The following RANBP2 variants were observed in gnomAD, a reference collection of about 807,000 sequenced individuals.
The protein encoded by RANBP2 is E3 SUMO-protein ligase RanBP2.
RANBP2 carries 57 observed loss-of-function variants against 303.6 expected under a neutral mutation model. The observed-to-expected ratio is 0.19, with a 90% CI of 0.15 to 0.23. The LOEUF is 0.23. RANBP2 is among the 10% of genes least tolerant of loss of function. The probability of loss-of-function intolerance (pLI) is 1.00; values close to 1 mark genes in which losing one functional copy is unlikely to be tolerated. For missense variants in RANBP2, 3,138 were observed against 3,780.8 expected (o/e 0.83, Z 4.46); for synonymous variants, 1,167 against 1,301.5 (o/e 0.90, Z 2.23).
the RANBP2 span, among the ~76,000 whole-genome samples, chr2:109,576,274 A>C: frequency 1.3e-5 from 2 of 151,860 alleles, no homozygotes; most frequent in African/African-American, 2.4e-5. Context: ...AATTAAATAT[A>C]TATATATATA....
the RANBP2 span, among the ~76,000 whole-genome samples, chr2:109,577,866 T>C: frequency 6.9e-6 from 1 of 145,604 alleles, no homozygotes; most frequent in African/African-American, 2.6e-5. Context: ...TGAGCCGAGA[T>C]TGCACCACTG....
chr2:109,011,491 C>T, the RANBP2 span, among the ~76,000 whole-genome samples: 1 of 152,086 alleles, frequency 6.6e-6, no homozygotes, highest in Admixed American at 6.6e-5. Context: ...GGTCTTTGTT[C>T]TCAAATTTCT....
the RANBP2 span, among the ~76,000 whole-genome samples, chr2:109,273,295 G>A: frequency 4.8e-4 from 73 of 152,314 alleles, no homozygotes; most frequent in Non-Finnish European, 9.4e-4. Context: ...GGGCACTCAG[G>A]GCCCTGGAGG....
chr2:108,891,921 C>T, the RANBP2 span, among the ~76,000 whole-genome samples: 2 of 152,050 alleles, frequency 1.3e-5, no homozygotes, highest in Admixed American at 6.6e-5. Flanking sequence ...CAGAAAGATG[C>T]TCAGGTACCC....
chr2:108,840,947 G>A, the RANBP2 span, among the ~76,000 whole-genome samples: 5 of 152,100 alleles, frequency 3.3e-5, no homozygotes, highest in South Asian at 1.0e-3. Flanking sequence ...AAGTAGCTGG[G>A]ATTACAGATG....
the RANBP2 span, among the ~76,000 whole-genome samples, chr2:108,888,849 T>A: frequency 6.6e-6 from 1 of 152,040 alleles, no homozygotes; most frequent in Non-Finnish European, 1.5e-5. Context: ...TTTTTGGGCT[T>A]GGTTTGTTCT....
At chr2:108,802,482 A>C in the RANBP2 span, among the ~76,000 whole-genome samples, 12 of 144,528 alleles carry the variant, frequency 8.3e-5, no homozygotes, top group Non-Finnish European at 1.3e-4. Flanking sequence ...TTGATTTTGT[A>C]TCCTGAGACT....
chr2:109,566,739 T>C, the RANBP2 span, among the ~76,000 whole-genome samples: 1 of 151,962 alleles, frequency 6.6e-6, no homozygotes, highest in Non-Finnish European at 1.5e-5. Context: ...ACAAGCAAAG[T>C]GGGAAGAAAT....
chr2:108,984,288 C>T, the RANBP2 span, among the ~76,000 whole-genome samples: 1 of 152,148 alleles, frequency 6.6e-6, no homozygotes. Context: ...AAGCAAATTA[C>T]AGCAACCGGC....
chr2:108,820,569 A>G, the RANBP2 span, among the ~76,000 whole-genome samples: 2 of 152,194 alleles, frequency 1.3e-5, no homozygotes, highest in African/African-American at 4.8e-5. Context: ...AGTAAAATAC[A>G]AAGAGAATCT....
downstream of RANBP2, among the ~76,000 whole-genome samples, chr2:108,789,147 C>G (rs1227515323): frequency 6.6e-6 from 1 of 152,118 alleles, no homozygotes; most frequent in Non-Finnish European, 1.5e-5. Context: ...CTGAGAATCT[C>G]TGTAATAAAA....
chr2:109,206,893 A>G, the RANBP2 span, among the ~76,000 whole-genome samples: 1 of 152,224 alleles, frequency 6.6e-6, no homozygotes, highest in East Asian at 1.9e-4. Context: ...CCTTCTGCCC[A>G]GTCATGGGCC....
chr2:109,585,112 A>G, the RANBP2 span: 2 of 1,506,016 alleles, frequency 1.3e-6, no homozygotes, highest in Admixed American at 2.2e-5. Context: ...TTATTACAAG[A>G]AGAAAACACA....
chr2:109,616,776 T>G, the RANBP2 span: 1 of 167,106 alleles, frequency 6.0e-6, no homozygotes. Context: ...ACACCACTAT[T>G]AAGGTACACC....
At chr2:109,670,328 G>A in the RANBP2 span, among the ~76,000 whole-genome samples, 16 of 148,596 alleles carry the variant, frequency 1.1e-4, no homozygotes, top group East Asian at 3.2e-3. Context: ...GTGGGGGTGG[G>A]GGTTGGTTGG....
the RANBP2 span, chr2:109,553,139 A>C: frequency 1.9e-6 from 3 of 1,613,852 alleles, no homozygotes; most frequent in East Asian, 4.5e-5. Flanking sequence ...TCGCTGCACA[A>C]ACATCTGTTT....
At chr2:109,039,369 G>C in the RANBP2 span, among the ~76,000 whole-genome samples, 17 of 147,562 alleles carry the variant, frequency 1.2e-4, no homozygotes, top group African/African-American at 3.7e-4. Flanking sequence ...TTTTTTTTTT[G>C]AGACGGAGTC....
At chr2:108,868,711 A>G in the RANBP2 span, among the ~76,000 whole-genome samples, 1 of 152,076 alleles carries the variant, frequency 6.6e-6, no homozygotes, top group Non-Finnish European at 1.5e-5. Context: ...TCATTCCCAT[A>G]CTGTCCTCCT....
At chr2:109,473,015 A>G in the RANBP2 span, among the ~76,000 whole-genome samples, 1 of 152,206 alleles carries the variant, frequency 6.6e-6, no homozygotes, top group South Asian at 2.1e-4. Context: ...GTGAAAAGAT[A>G]ATGTGTTGGC....
Sources: gnomAD v4.1 joint callset for allele counts (sites outside exome capture counted in the v4.1 genomes callset) on GRCh38, gnomAD v4.1.1 for gene constraint, MANE v1.5 for transcripts, NCBI Gene and HGNC (gene_info 2026-07-23, HGNC 2026-07-21) for gene names.